Variants in COG5 observed in about 807,000 individuals in gnomAD.
COG5 encodes component of oligomeric golgi complex 5, also known as conserved oligomeric Golgi complex subunit 5.
A neutral mutation model predicts 110.4 loss-of-function variants in COG5; 86 were observed. The ratio of observed to expected loss-of-function variants is 0.78; its 90% CI spans 0.65 to 0.93. The LOEUF is 0.93. COG5 is among the 40% of genes least tolerant of loss of function. COG5 has a pLI of 0.00. For synonymous variants in COG5, 360 were observed against 334.6 expected, an observed-to-expected ratio of 1.08 and a Z score of -0.83; for missense variants, 1,077 against 987.0, an observed-to-expected ratio of 1.09 and a Z score of -1.22.
intron 10 of COG5, 119 bp from the exon 11 acceptor site, chr7:107,324,640 T>C: frequency 6.7e-6 from 4 of 599,492 alleles, no homozygotes; most frequent in Non-Finnish European, 1.2e-5. Context: ...ATTTTAGACA[T>C]CTAACCATCA....
chr7:107,255,675 T>C (rs1802830491), intron 16 of COG5, among the ~76,000 whole-genome samples: 1 of 152,152 alleles, frequency 6.6e-6, no homozygotes, highest in South Asian at 2.1e-4. Context: ...TTAAAATTTA[T>C]TACTCTTGTG....
intron 11 of COG5, among the ~76,000 whole-genome samples, chr7:107,303,080 A>G (rs866926513): frequency 1.7e-4 from 26 of 152,194 alleles, no homozygotes; most frequent in African/African-American, 6.0e-4. Context: ...AAATAATAGA[A>G]TGAAGTTTTT....
At chr7:107,217,646 G>A in intron 19 of COG5, among the ~76,000 whole-genome samples, 1 of 152,028 alleles carries the variant, frequency 6.6e-6, no homozygotes, top group African/African-American at 2.4e-5. Context: ...AAAACCATAT[G>A]ATCATTTTAT....
intron 6 of COG5, among the ~76,000 whole-genome samples, chr7:107,486,922 C>T (rs1797687982): frequency 1.3e-5 from 2 of 151,940 alleles, no homozygotes; most frequent in South Asian, 4.2e-4. Context: ...AATGGTACTG[C>T]CTAGAGTTGT....
At chr7:107,506,120 G>A (rs192873376) in intron 6 of COG5, among the ~76,000 whole-genome samples, 1 of 152,306 alleles carries the variant, frequency 6.6e-6, no homozygotes, top group Non-Finnish European at 1.5e-5. Flanking sequence ...GGGTAGTAGA[G>A]GCAATGGTGA....
At chr7:107,358,972 A>G (rs1309608025) in intron 10 of COG5, among the ~76,000 whole-genome samples, 2 of 152,156 alleles carry the variant, frequency 1.3e-5, no homozygotes, top group Non-Finnish European at 2.9e-5. Flanking sequence ...CATAGCCATG[A>G]GTACAACTAT....
intron 6 of COG5, among the ~76,000 whole-genome samples, chr7:107,511,175 AG>A (rs1245661734): frequency 6.6e-6 from 1 of 151,958 alleles, no homozygotes; most frequent in African/African-American, 2.4e-5. Flanking sequence ...AAAAGAGAGA[AG>A]AATCAAATAG....
intron 19 of COG5, among the ~76,000 whole-genome samples, chr7:107,219,477 T>C (rs1284938470): frequency 6.6e-6 from 1 of 152,168 alleles, no homozygotes; most frequent in Admixed American, 6.5e-5. Flanking sequence ...ATATGACATA[T>C]ATACAAAATA....
intron 6 of COG5, among the ~76,000 whole-genome samples, chr7:107,501,394 C>CA (rs1227566935): frequency 4.6e-5 from 7 of 152,140 alleles, no homozygotes; most frequent in African/African-American, 1.4e-4. Flanking sequence ...ATAAGTCTTC[C>CA]AGCAAGGGGT....
intron 6 of COG5, among the ~76,000 whole-genome samples, chr7:107,461,663 G>C (rs187511610): frequency 6.6e-6 from 1 of 152,066 alleles, no homozygotes; most frequent in Non-Finnish European, 1.5e-5. Context: ...GAAGGAAATC[G>C]TAAGGAATCA....
In COG5 at chr7:107,351,073, C is replaced by G. The variant is rs144434509; in HGVS notation, c.1026+10960G>C. On this transcript the variant is annotated intron_variant, in intron 10 of 21. Transcript: ENST00000297135. ...CACAGCCTTTAAGAACATCTGGTCC[C>G]TATACAAGTAAAACAAGAAATCCTC... Among the ~76,000 whole-genome samples, 713 of 152,288 alleles carry G rather than the reference C, an allele frequency of 4.7e-3. 15 individuals are homozygous for G. Among genetic ancestry groups the G allele is most frequent in the Admixed American group, 0.036 (549 of 15,302 alleles).
intron 11 of COG5, among the ~76,000 whole-genome samples, chr7:107,299,884 A>G (rs935486325): frequency 2.1e-5 from 3 of 144,964 alleles, no homozygotes; most frequent in African/African-American, 7.5e-5. Context: ...ATATATATAT[A>G]TATATATATG....
intron 5 of COG5, among the ~76,000 whole-genome samples, chr7:107,538,596 T>TA (rs1051000759): frequency 1.3e-5 from 2 of 151,904 alleles, no homozygotes; most frequent in African/African-American, 4.8e-5. Context: ...ATGGCAGTAT[T>TA]AAAAAAAAGT....
chr7:107,512,065 G>A (rs1250711159), intron 6 of COG5, among the ~76,000 whole-genome samples: 2 of 152,170 alleles, frequency 1.3e-5, no homozygotes, highest in Non-Finnish European at 2.9e-5. Flanking sequence ...GCAGGAGAAG[G>A]AAATAAAGGG....
intron 19 of COG5, 148 bp downstream of exon 19, chr7:107,230,467 T>G (rs190335084): frequency 4.1e-6 from 3 of 723,440 alleles, no homozygotes; most frequent in Admixed American, 2.0e-5. Context: ...GGTTTCTGAT[T>G]TGAATACTTT....
intron 21 of COG5, chr7:107,208,173 T>G: frequency 3.0e-6 from 3 of 985,444 alleles, no homozygotes; most frequent in Non-Finnish European, 3.6e-6. Flanking sequence ...GTACTTTTTT[T>G]GAAACCCTGA....
rs369959830 is a variant in COG5, at chr7:107,262,619, G to A, written c.1576-4236C>T. ...CACTAAACCAAGGTGGGTTCTTGGC[G>A]TTGCCTGTCAATACTGTTAAATATC... is the stretch of plus-strand genomic sequence containing the variant. On this transcript the variant is annotated intron_variant, in intron 14 of 21. Transcript: ENST00000297135. Among the ~76,000 whole-genome samples, 50 of 152,252 alleles carry A rather than the reference G, an allele frequency of 3.3e-4. 1 individual carries two copies. Among genetic ancestry groups the A allele is most frequent in the East Asian group, 2.3e-3 (12 of 5,172 alleles).
At chr7:107,273,476 G>A (rs1334827106) in intron 14 of COG5, among the ~76,000 whole-genome samples, 1 of 152,168 alleles carries the variant, frequency 6.6e-6, no homozygotes, top group South Asian at 2.1e-4. Context: ...CCTTGGAACA[G>A]GGTAAGATTA....
At chr7:107,435,088 G>A (rs1204329237) in intron 6 of COG5, among the ~76,000 whole-genome samples, 1 of 152,066 alleles carries the variant, frequency 6.6e-6, no homozygotes, top group Non-Finnish European at 1.5e-5. Flanking sequence ...CTACTTTTAT[G>A]GGTTATCTAA....
Sources: gnomAD v4.1 joint callset for allele counts (sites outside exome capture counted in the v4.1 genomes callset) on GRCh38, gnomAD v4.1.1 for gene constraint, MANE v1.5 for transcripts, NCBI Gene and HGNC (gene_info 2026-07-23, HGNC 2026-07-21) for gene names.